RIC8B: variants seen among roughly 807,000 people sequenced by gnomAD.
RIC8B encodes the protein chaperone Ric-8B.
RIC8B carries 16 observed loss-of-function variants against 57.5 expected under a neutral mutation model. The observed-to-expected ratio is 0.28, with a 90% confidence interval of 0.19 to 0.42. The LOEUF is 0.42. Ranked by LOEUF, RIC8B falls within the 10% of genes least tolerant of loss-of-function variation. The probability of loss-of-function intolerance (pLI) is 1.00; values close to 1 mark genes in which losing one functional copy is unlikely to be tolerated. For missense variants in RIC8B, 481 were observed against 677.0 expected (o/e 0.71, Z 3.21); for synonymous variants, 216 against 250.8 (o/e 0.86, Z 1.31).
chr12:106,789,275 A>G (rs1034070280), intron 2 of RIC8B, among the ~76,000 whole-genome samples: 5 of 152,162 alleles, frequency 3.3e-5, no homozygotes, highest in African/African-American at 1.2e-4. Context: ...CCATTCAACA[A>G]GTCTCTAGGA....
At chr12:106,800,400 A>T (rs573477060) in intron 2 of RIC8B, among the ~76,000 whole-genome samples, 3 of 152,086 alleles carry the variant, frequency 2.0e-5, no homozygotes, top group East Asian at 1.9e-4. Flanking sequence ...AAACAGCCAG[A>T]TCTCACGAGA....
At chr12:106,800,087 C>G (rs1006492184) in intron 2 of RIC8B, among the ~76,000 whole-genome samples, 1 of 152,094 alleles carries the variant, frequency 6.6e-6, no homozygotes, top group Non-Finnish European at 1.5e-5. Flanking sequence ...CTTGGTGTCT[C>G]TTATAAGGGA....
intron 4 of RIC8B, among the ~76,000 whole-genome samples, chr12:106,826,767 A>C (rs959718990): frequency 1.8e-4 from 27 of 152,108 alleles, no homozygotes; most frequent in Non-Finnish European, 2.9e-5. Flanking sequence ...AAAATTAATT[A>C]ATTAATTTTA....
chr12:106,855,246 G>A, intron 7 of RIC8B, among the ~76,000 whole-genome samples: 1 of 152,158 alleles, frequency 6.6e-6, no homozygotes, highest in South Asian at 2.1e-4. Context: ...AGAGGAATAG[G>A]TTGTCTCTTT....
At chr12:106,812,791 A>G (rs973727037) in intron 2 of RIC8B, among the ~76,000 whole-genome samples, 7 of 152,316 alleles carry the variant, frequency 4.6e-5, no homozygotes, top group East Asian at 3.9e-4. Flanking sequence ...ACTATCCCCA[A>G]ACTACATTCA....
At chr12:106,851,413 C>A (rs1949473993) in intron 6 of RIC8B, 37 bp from the exon 7 acceptor site, 3 of 1,590,182 alleles carry the variant, frequency 1.9e-6, no homozygotes, top group Non-Finnish European at 1.7e-6. Context: ...ACTCTAGTAG[C>A]CTCGATTGAT....
chr12:106,877,465 T>C (rs1191616138), intron 9 of RIC8B, among the ~76,000 whole-genome samples: 7 of 152,194 alleles, frequency 4.6e-5, no homozygotes, highest in African/African-American at 1.4e-4. Context: ...TTAGAGGACA[T>C]GCATTACTGC....
Position 106,804,197 on chromosome 12 carries a change from C to T in RIC8B, c.133-10499C>T, listed in dbSNP as rs916486782. Among the ~76,000 whole-genome samples, 7 of 150,062 alleles carry T rather than the reference C, an allele frequency of 4.7e-5. 1 individual carries two copies. Among genetic ancestry groups the T allele is most frequent in the African/African-American group, 1.7e-4 (7 of 40,816 alleles). On this transcript the variant is annotated intron_variant, in intron 2 of 9. Coordinates refer to ENST00000392837, the MANE Select transcript of RIC8B (RefSeq NM_001330145.2). The stretch of plus-strand genomic sequence containing the variant: ...CCTCAACAACCCTATGAAGTAGGTA[C>T]TTTTTTTTCCTTCCTTTCTTTCTTT...
chr12:106,845,255 C>T (rs1017898245), intron 6 of RIC8B, among the ~76,000 whole-genome samples: 8 of 152,166 alleles, frequency 5.3e-5, no homozygotes, highest in Non-Finnish European at 7.3e-5. Flanking sequence ...ACCATTTTGA[C>T]GAGTCTACTT....
At chr12:106,830,760 C>G (rs1032938858) in intron 4 of RIC8B, among the ~76,000 whole-genome samples, 13 of 152,196 alleles carry the variant, frequency 8.5e-5, no homozygotes, top group African/African-American at 2.9e-4. Context: ...CTCCCTCCCC[C>G]TCATGCACAT....
At chr12:106,869,855 C>T in intron 8 of RIC8B, among the ~76,000 whole-genome samples, 1 of 152,198 alleles carries the variant, frequency 6.6e-6, no homozygotes, top group Non-Finnish European at 1.5e-5. Flanking sequence ...AGGAGAATCA[C>T]TTGAACCCAG....
At chr12:106,774,909 C>T (rs570437264) in intron 1 of RIC8B, 80 bp downstream of exon 1, 2 of 1,044,638 alleles carry the variant, frequency 1.9e-6, no homozygotes, top group Admixed American at 2.7e-5. Context: ...CCTTCCCCAC[C>T]CCCCTCATTC....
intron 1 of RIC8B, among the ~76,000 whole-genome samples, chr12:106,781,960 T>C (rs987834292): frequency 2.0e-5 from 3 of 152,184 alleles, no homozygotes; most frequent in Admixed American, 6.5e-5. Context: ...AAACCTCAGG[T>C]CTATACATTT....
At chr12:106,779,921 T>C (rs1294710253) in intron 1 of RIC8B, among the ~76,000 whole-genome samples, 1 of 132,546 alleles carries the variant, frequency 7.5e-6, no homozygotes, top group East Asian at 2.3e-4. Flanking sequence ...GTTGGGGGTC[T>C]CACCATGTTG....
chr12:106,879,565 A>G lies in RIC8B; in HGVS notation c.1572-6339A>G, dbSNP rs1950829121. 11 of 985,058 alleles carry G rather than the reference A, an allele frequency of 1.1e-5. No homozygotes were observed. The highest frequency in any genetic ancestry group is 6.2e-5 in the Admixed American group (1 of 16,246). The allele number at this position is 985,058 out of a possible 1,614,324, so 61.0% of individuals were successfully genotyped here. On this transcript the variant is annotated intron_variant, in intron 9 of 9. Transcript: ENST00000392837. This position sits in a 1 kb window ranked among gnomAD's most constrained non-coding sequence, Gnocchi z 4.9. The stretch of plus-strand genomic sequence containing the variant: ...AAAAACAGACCAGAATATTTTAAAT[A>G]TGGTGTAAATTCCGTATCTCCCATC...
At chr12:106,842,530 G>A (rs534237794) in intron 4 of RIC8B, 59 bp from the exon 5 acceptor site, 4 of 1,331,728 alleles carry the variant, frequency 3.0e-6, no homozygotes, top group Admixed American at 2.0e-5. Context: ...TATTATGTTT[G>A]CATTTTAAAG....
chr12:106,862,339 C>T (rs531813575), intron 8 of RIC8B, among the ~76,000 whole-genome samples: 17 of 151,942 alleles, frequency 1.1e-4, no homozygotes, highest in Non-Finnish European at 2.4e-4. Flanking sequence ...CTGTTTTTCT[C>T]TTAAATTTTC....
intron 2 of RIC8B, among the ~76,000 whole-genome samples, chr12:106,798,324 A>G (rs919099668): frequency 2.0e-5 from 3 of 152,152 alleles, no homozygotes; most frequent in African/African-American, 7.2e-5. Context: ...GGCTGACCAG[A>G]TGTTTCCACG....
At chr12:106,855,956 G>T (rs549227638) in intron 7 of RIC8B, among the ~76,000 whole-genome samples, 2 of 151,986 alleles carry the variant, frequency 1.3e-5, no homozygotes, top group South Asian at 4.2e-4. Flanking sequence ...CATGCCCTTC[G>T]ACCTTTTCAT....
Sources: allele counts gnomAD v4.1 joint callset (sites outside exome capture counted in the v4.1 genomes callset), GRCh38; gene constraint gnomAD v4.1.1; non-coding constraint Gnocchi (gnomAD v3.1); transcripts MANE v1.5; gene names NCBI Gene and HGNC (gene_info 2026-07-23, HGNC 2026-07-21).